The following JARID2 variants were observed in gnomAD, a reference collection of about 807,000 sequenced individuals.
The protein encoded by JARID2 is protein Jumonji.
Under a neutral mutation model 125.6 loss-of-function variants are expected in JARID2, and 21 were observed. The ratio of observed to expected loss-of-function variants is 0.17; its 90% confidence interval spans 0.12 to 0.24. JARID2 has a LOEUF of 0.24. Among genes scored for constraint, JARID2 ranks in the 10% least tolerant of loss-of-function variants. JARID2 has a pLI of 1.00. For synonymous variants in JARID2, 736 were observed against 661.6 expected (o/e 1.11, Z -1.73); for missense variants, 1,303 against 1,639.6 (o/e 0.79, Z 3.55).
intron 2 of JARID2, among the ~76,000 whole-genome samples, chr6:15,389,783 G>C (rs961069509): frequency 5.3e-5 from 8 of 152,152 alleles, no homozygotes; most frequent in Admixed American, 1.3e-4. Flanking sequence ...CTGTGGAAAC[G>C]TGTCATTATC....
At chr6:15,422,474 GT>G (rs1346660192) in intron 3 of JARID2, among the ~76,000 whole-genome samples, 2 of 152,172 alleles carry the variant, frequency 1.3e-5, no homozygotes, top group African/African-American at 4.8e-5. Flanking sequence ...CTAAGGAAGC[GT>G]TTTCTGAGTG....
chr6:15,473,514 G>GCCGCCCCCCC (rs1451318951), intron 5 of JARID2, among the ~76,000 whole-genome samples: 1 of 35,000 alleles, frequency 2.9e-5, no homozygotes, highest in African/African-American at 7.2e-5. Flanking sequence ...TGATGTGCGT[G>GCCGCCCCCCC]CCCCCCCCCC....
At chr6:15,439,996 C>T (rs934498980) in intron 3 of JARID2, among the ~76,000 whole-genome samples, 2 of 152,174 alleles carry the variant, frequency 1.3e-5, no homozygotes, top group African/African-American at 2.4e-5. Context: ...TTGTTGGTTC[C>T]GTGCCTGAAA....
chr6:15,476,106 C>A (rs1164834028), intron 5 of JARID2, among the ~76,000 whole-genome samples: 1 of 152,158 alleles, frequency 6.6e-6, no homozygotes, highest in Non-Finnish European at 1.5e-5. Flanking sequence ...CTGTATCCTC[C>A]CCAGAGGGAT....
At chr6:15,344,532 A>G (rs748026769) in intron 1 of JARID2, among the ~76,000 whole-genome samples, 2 of 148,510 alleles carry the variant, frequency 1.3e-5, no homozygotes, top group Non-Finnish European at 3.0e-5. Flanking sequence ...AAAGTGTACA[A>G]TTCTTTTTTT....
At chr6:15,479,209 C>T (rs760144174) in intron 5 of JARID2, among the ~76,000 whole-genome samples, 54 of 152,152 alleles carry the variant, frequency 3.5e-4, no homozygotes, top group Non-Finnish European at 3.7e-4. Flanking sequence ...ACACAGGCCG[C>T]GGGGCTAGTA....
At chr6:15,401,978 A>T (rs1765456995) in intron 2 of JARID2, among the ~76,000 whole-genome samples, 2 of 149,182 alleles carry the variant, frequency 1.3e-5, no homozygotes, top group Admixed American at 1.3e-4. Context: ...GTAGGAGGGC[A>T]GTTGATTTCT....
At chr6:15,430,444 G>C (rs775372585) in intron 3 of JARID2, among the ~76,000 whole-genome samples, 48 of 152,144 alleles carry the variant, frequency 3.2e-4, no homozygotes, top group Non-Finnish European at 6.3e-4. Context: ...TTTTCCTGCT[G>C]TTTATATGTG....
intron 1 of JARID2, among the ~76,000 whole-genome samples, chr6:15,343,479 C>T (rs942168589): frequency 3.9e-5 from 6 of 151,912 alleles, no homozygotes; most frequent in African/African-American, 1.5e-4. Context: ...CCTCCCTAGC[C>T]CCTAATCACA....
chr6:15,418,705 CTGTT>C (rs1381897843), intron 3 of JARID2, among the ~76,000 whole-genome samples: 3 of 151,884 alleles, frequency 2.0e-5, no homozygotes, highest in African/African-American at 2.4e-5. Context: ...AGTTTAAACA[CTGTT>C]TGTCCTATTA....
At chr6:15,372,522 G>A (rs1764209086) in intron 1 of JARID2, among the ~76,000 whole-genome samples, 1 of 151,944 alleles carries the variant, frequency 6.6e-6, no homozygotes, top group Non-Finnish European at 1.5e-5. Flanking sequence ...ACCACGCTCA[G>A]CTAATTTTTG....
At chr6:15,287,416 C>G (rs563304353) in intron 1 of JARID2, among the ~76,000 whole-genome samples, 1 of 152,256 alleles carries the variant, frequency 6.6e-6, no homozygotes, top group South Asian at 2.1e-4. Flanking sequence ...CATAGTGGGT[C>G]TAATTATTGT....
At chr6:15,294,093 C>T (rs1761321719) in intron 1 of JARID2, among the ~76,000 whole-genome samples, 1 of 152,232 alleles carries the variant, frequency 6.6e-6, no homozygotes, top group Non-Finnish European at 1.5e-5. Context: ...ATAGTATGGT[C>T]AGTGAAGTGA....
rs145899497 is a variant in JARID2 at position 15,465,257 on chromosome 6, A to G, written c.494-3285A>G. Among the ~76,000 whole-genome samples, 1,134 of 152,290 alleles carry G rather than the reference A, an allele frequency of 7.4e-3. 11 individuals carry two copies. The highest frequency in any genetic ancestry group is 0.016 in the South Asian group (76 of 4,820). ...CACTTGAGGTCAGGAGTTTGAGACA[A>G]GCCTCGGCAATGTAGCGAGATCCCG... is the stretch of plus-strand genomic sequence containing the variant. On this transcript the variant is annotated intron_variant, in intron 4 of 17. Coordinates refer to ENST00000341776, the MANE Select transcript of JARID2 (RefSeq NM_004973.4).
intron 2 of JARID2, among the ~76,000 whole-genome samples, chr6:15,394,393 G>A (rs1036407591): frequency 6.6e-6 from 1 of 152,146 alleles, no homozygotes; most frequent in East Asian, 1.9e-4. Flanking sequence ...GCCTCGGGAG[G>A]ATCGCTTCAG....
chr6:15,439,886 G>A (rs1767372498), intron 3 of JARID2, among the ~76,000 whole-genome samples: 1 of 152,174 alleles, frequency 6.6e-6, no homozygotes, highest in African/African-American at 2.4e-5. Flanking sequence ...AACCCATAGA[G>A]TACTTTTATA....
chr6:15,400,244 G>C (rs750479777), intron 2 of JARID2, among the ~76,000 whole-genome samples: 1 of 152,032 alleles, frequency 6.6e-6, no homozygotes, highest in Admixed American at 6.5e-5. Flanking sequence ...TGGCCCATGC[G>C]GTCACTTCAT....
chr6:15,412,652 ATAACT>A (rs1040844606), intron 3 of JARID2, among the ~76,000 whole-genome samples: 4 of 152,178 alleles, frequency 2.6e-5, no homozygotes, highest in African/African-American at 9.7e-5. Flanking sequence ...GCATAAAATG[ATAACT>A]TAAAGTCTTA....
chr6:15,369,096 A>G (rs1393384928), intron 1 of JARID2, among the ~76,000 whole-genome samples: 1 of 152,200 alleles, frequency 6.6e-6, no homozygotes, highest in Admixed American at 6.5e-5. Context: ...GATAAAAGGC[A>G]TGTGATGTTA....
Sources: gnomAD v4.1 joint callset for allele counts (sites outside exome capture counted in the v4.1 genomes callset) on GRCh38, gnomAD v4.1.1 for gene constraint, MANE v1.5 for transcripts, NCBI Gene and HGNC (gene_info 2026-07-23, HGNC 2026-07-21) for gene names.